GABBR2: variants seen among roughly 807,000 people sequenced by gnomAD.
GABBR2 encodes the protein gamma-aminobutyric acid type B receptor subunit 2.
In GABBR2, 23 loss-of-function variants were observed where a neutral mutation model predicts 105.6. The ratio of observed to expected loss-of-function variants is 0.22; its 90% confidence interval spans 0.16 to 0.31. GABBR2 has a LOEUF of 0.31. Among genes scored for constraint, GABBR2 ranks in the 10% least tolerant of loss-of-function variants. The pLI, the probability that GABBR2 is intolerant of heterozygous loss-of-function variation, is 1.00. For missense variants in GABBR2, 734 were observed against 1,245.5 expected (o/e 0.59, Z 6.18); for synonymous variants, 478 against 499.7 (o/e 0.96, Z 0.58).
chr9:98,464,516 C>T (rs1382064749), intron 6 of GABBR2, among the ~76,000 whole-genome samples: 4 of 151,186 alleles, frequency 2.6e-5, no homozygotes, highest in East Asian at 2.0e-4. Context: ...CCAGCCGCCC[C>T]GTCTGGGAGG....
intron 1 of GABBR2, among the ~76,000 whole-genome samples, chr9:98,696,937 C>T (rs1256705850): frequency 2.0e-5 from 3 of 151,766 alleles, no homozygotes; most frequent in African/African-American, 7.3e-5. Flanking sequence ...GGGTTGAATC[C>T]GAGGGAGAGG....
intron 7 of GABBR2, among the ~76,000 whole-genome samples, chr9:98,412,377 C>G (rs56210780): frequency 0.033 from 5,057 of 152,328 alleles, 287 homozygotes; most frequent in African/African-American, 0.11. Flanking sequence ...ACTCTTATCT[C>G]CGGGTTGTCG....
chr9:98,573,240 A>G (rs1171037416), intron 2 of GABBR2, among the ~76,000 whole-genome samples: 3 of 152,206 alleles, frequency 2.0e-5, no homozygotes, highest in Non-Finnish European at 2.9e-5. Flanking sequence ...TCACAATCTG[A>G]TATGGAAGAC....
At chr9:98,644,863 A>G (rs1050228002) in intron 1 of GABBR2, among the ~76,000 whole-genome samples, 1 of 152,152 alleles carries the variant, frequency 6.6e-6, no homozygotes, top group African/African-American at 2.4e-5. Context: ...AAAAGAAGAT[A>G]CTGGGAATGT....
At chr9:98,423,615 T>A (rs1352754159) in intron 7 of GABBR2, among the ~76,000 whole-genome samples, 1 of 152,254 alleles carries the variant, frequency 6.6e-6, no homozygotes, top group Admixed American at 6.5e-5. Flanking sequence ...TTTAATTAGA[T>A]CCCATTTGTC....
chr9:98,655,386 A>G (rs1490769856), intron 1 of GABBR2, among the ~76,000 whole-genome samples: 13 of 152,166 alleles, frequency 8.5e-5, no homozygotes, highest in Admixed American at 8.5e-4. Context: ...TGCTTTAAAA[A>G]AAAAGCCTTT....
chr9:98,618,375 G>C (rs1254835261), intron 1 of GABBR2, among the ~76,000 whole-genome samples: 1 of 152,018 alleles, frequency 6.6e-6, no homozygotes, highest in Non-Finnish European at 1.5e-5. Flanking sequence ...GCAGATGAAA[G>C]CATGTTAGGA....
At chr9:98,456,286 A>G (rs1010958968) in intron 6 of GABBR2, among the ~76,000 whole-genome samples, 1 of 152,202 alleles carries the variant, frequency 6.6e-6, no homozygotes, top group Admixed American at 6.5e-5. Context: ...TTTCTCTGCC[A>G]GAAAGCTCCT....
chr9:98,588,978 T>A (rs192876320), intron 1 of GABBR2, among the ~76,000 whole-genome samples: 1 of 152,132 alleles, frequency 6.6e-6, no homozygotes, highest in Non-Finnish European at 1.5e-5. Context: ...AGAGAAACCA[T>A]CCCAAGGAGG....
At chr9:98,504,962 C>T (rs983140820) in intron 3 of GABBR2, among the ~76,000 whole-genome samples, 10 of 152,298 alleles carry the variant, frequency 6.6e-5, no homozygotes, top group Middle Eastern at 3.4e-3. Context: ...AGACCAAAGC[C>T]GACTTCAAAC....
chr9:98,695,004 ATCTC>A (rs1382277692), intron 1 of GABBR2, among the ~76,000 whole-genome samples: 1 of 152,224 alleles, frequency 6.6e-6, no homozygotes, highest in Non-Finnish European at 1.5e-5. Context: ...ACATCAGAGC[ATCTC>A]TCTCTTGCCT....
At chr9:98,685,024 T>C (rs1830602482) in intron 1 of GABBR2, among the ~76,000 whole-genome samples, 1 of 152,176 alleles carries the variant, frequency 6.6e-6, no homozygotes, top group Admixed American at 6.5e-5. Flanking sequence ...CCAAAGGAGA[T>C]TAACATTTGA....
chr9:98,616,630 C>T (rs560899093), intron 1 of GABBR2, among the ~76,000 whole-genome samples: 3 of 151,912 alleles, frequency 2.0e-5, no homozygotes, highest in South Asian at 2.1e-4. Flanking sequence ...GGTGCATGCC[C>T]GTAATTCCTG....
chr9:98,311,252 T>C, intron 13 of GABBR2, 47 bp from the exon 14 acceptor site: 1 of 1,179,432 alleles, frequency 8.5e-7, no homozygotes. Flanking sequence ...AGGACACTCT[T>C]CCAGCAACTG....
At chr9:98,681,570 A>C (rs1830547242) in intron 1 of GABBR2, among the ~76,000 whole-genome samples, 1 of 149,996 alleles carries the variant, frequency 6.7e-6, no homozygotes, top group South Asian at 2.1e-4. Context: ...GTACCCTAAA[A>C]CTTAAAGTAT....
At chr9:98,542,064 A>G (rs1422467967) in intron 2 of GABBR2, 21 bp from the exon 3 acceptor site, 1 of 1,609,766 alleles carries the variant, frequency 6.2e-7, no homozygotes, top group Admixed American at 1.7e-5. Flanking sequence ...CAAAAGAGAC[A>G]ACGCTTTTTA....
chr9:98,475,211 T>G (rs1412580378), intron 5 of GABBR2, among the ~76,000 whole-genome samples: 3 of 152,104 alleles, frequency 2.0e-5, no homozygotes. Context: ...CATTACAATG[T>G]TGCCCCAAAC....
chr9:98,427,480 TTTAA>T (rs1043715336), intron 7 of GABBR2, among the ~76,000 whole-genome samples: 14 of 152,286 alleles, frequency 9.2e-5, no homozygotes, highest in African/African-American at 3.1e-4. Context: ...TTTGGATGGT[TTTAA>T]TTGAGAGACT....
chr9:98,403,927 A>G (rs1832443850), intron 8 of GABBR2, among the ~76,000 whole-genome samples: 1 of 152,144 alleles, frequency 6.6e-6, no homozygotes, highest in Non-Finnish European at 1.5e-5. Flanking sequence ...CTGAAATTCT[A>G]CAGTGAGGAA....
Sources: allele counts gnomAD v4.1 joint callset (sites outside exome capture counted in the v4.1 genomes callset), GRCh38; gene constraint gnomAD v4.1.1; transcripts MANE v1.5; gene names NCBI Gene and HGNC (gene_info 2026-07-23, HGNC 2026-07-21).